Variants in CC2D2B observed in about 807,000 individuals in gnomAD.
CC2D2B encodes the protein coiled-coil and C2 domain containing 2B, also known as protein CC2D2B.
In CC2D2B, 128 loss-of-function variants were observed where a neutral mutation model predicts 161.2. That is an observed-to-expected ratio of 0.79 (90% CI 0.69 to 0.92). The LOEUF (loss-of-function observed/expected upper bound fraction) is 0.92. Among genes scored for constraint, CC2D2B ranks in the 40% least tolerant of loss-of-function variants. CC2D2B has a pLI of 0.00. For missense variants in CC2D2B, 1,173 were observed against 1,375.1 expected (o/e 0.85, Z 2.32); for synonymous variants, 391 against 449.8 (o/e 0.87, Z 1.65).
chr10:95,996,004 CAATA>C, intron 23 of CC2D2B, 135 bp from the exon 24 acceptor site: 7 of 409,430 alleles, frequency 1.7e-5, no homozygotes, highest in East Asian at 3.5e-5. Context: ...GATGTTTATT[CAATA>C]AATAAATAAA....
rs545655155 is a variant in CC2D2B at position 95,957,639 on chromosome 10, C to T, written c.1109+2148C>T. 6.3e-5 allele frequency among the ~76,000 whole-genome samples: 9 copies of T among 143,488 alleles called. No individual in the cohort carries two copies. In the South Asian group the frequency reaches 1.1e-3, roughly 18 times the overall value. The allele number at this position is 143,488 out of a possible 152,430, so 94.1% of individuals were successfully genotyped here. A position where few individuals can be genotyped will look rare whatever the true frequency, so the allele number is the denominator to read the frequency against. On this transcript the variant is annotated intron_variant, in intron 11 of 34. Transcript: ENST00000646931. ...GCAGTGACACAATCTCGGCTCACTGCGACCTTCACTTCCCAGGTTCAAGCA... is the reference window on the plus strand; with the variant it reads ...GCAGTGACACAATCTCGGCTCACTGTGACCTTCACTTCCCAGGTTCAAGCA...
Position 95,983,704 on chromosome 10 carries a change from T to C in CC2D2B, c.2181T>C (p.Ser727=), listed in dbSNP as rs950041404. The C allele has an allele frequency of 8.1e-7, 1 of 1,230,744 alleles. No homozygotes were observed. Among genetic ancestry groups the C allele is most frequent in the African/African-American group, 1.6e-5 (1 of 64,348 alleles). 76.2% of individuals were successfully genotyped at this position (1,230,744 alleles called of 1,614,324 possible). ...NFVSEEEMAK[S]KRFQLLQLRN... is the part of the protein sequence containing the mutation. ...TTTCTGAAGAGGAAATGGCAAAGAGTAAACGTTTCCAGCTATTGCAACTTA... is the reference window on the plus strand; with the variant it reads ...TTTCTGAAGAGGAAATGGCAAAGAGCAAACGTTTCCAGCTATTGCAACTTA... The change falls in exon 19 of 35, where the codon AGT becomes AGC. Residue 727 remains serine, a synonymous_variant. Coordinates refer to ENST00000646931, the MANE Select transcript of CC2D2B (RefSeq NM_001349008.3).
intron 34 of CC2D2B, among the ~76,000 whole-genome samples, chr10:96,028,566 A>C (rs558868575): frequency 6.6e-6 from 1 of 152,220 alleles, no homozygotes; most frequent in Non-Finnish European, 1.5e-5. Context: ...AATAGTTTAG[A>C]GGTTCCTCAA....
In CC2D2B at chr10:95,983,806, C is replaced by T; in HGVS notation, c.2283C>T (p.Phe761=). The T allele has an allele frequency of 8.2e-7, 1 of 1,217,216 alleles. No homozygotes were observed. The highest frequency in any genetic ancestry group is 1.0e-6 in the Non-Finnish European group (1 of 974,540). The allele number at this position is 1,217,216 out of a possible 1,614,324, so 75.4% of individuals were successfully genotyped here. Residue 761 remains phenylalanine (F), a synonymous_variant, in exon 19 of 35, where the codon TTC becomes TTT. Transcript: ENST00000646931. Reference sequence around the variant, plus strand: ...ATACAGAGATTCCAGATTTAGTCTTCCAGGTATTTGGTTTCTATTTGAATA... The same window carrying T: ...ATACAGAGATTCCAGATTTAGTCTTTCAGGTATTTGGTTTCTATTTGAATA... ...LHDTEIPDLV[F]QEYESQKEKE...
intron 17 of CC2D2B, among the ~76,000 whole-genome samples, chr10:95,981,712 A>G (rs1409083876): frequency 2.0e-5 from 3 of 152,244 alleles, no homozygotes; most frequent in Admixed American, 1.3e-4. Flanking sequence ...ATCGATGGCA[A>G]AGATGAATAT....
intron 6 of CC2D2B, among the ~76,000 whole-genome samples, chr10:95,930,520 T>C (rs957210750): frequency 7.2e-5 from 11 of 152,246 alleles, no homozygotes; most frequent in African/African-American, 2.2e-4. Context: ...CAGTTTGATA[T>C]TGGCTGTGGG....
At chr10:95,981,284 C>G (rs543103243) in intron 17 of CC2D2B, among the ~76,000 whole-genome samples, 1 of 150,642 alleles carries the variant, frequency 6.6e-6, no homozygotes, top group African/African-American at 2.4e-5. Flanking sequence ...CTCAGCTACT[C>G]GGGAGGCTGA....
intron 1 of CC2D2B, among the ~76,000 whole-genome samples, chr10:95,910,015 C>G (rs965201598): frequency 1.3e-5 from 2 of 152,066 alleles, no homozygotes; most frequent in Admixed American, 1.3e-4. Flanking sequence ...ATTAGCCGAG[C>G]CTTAGAGACA....
At chr10:96,026,010 G>A (rs887468312) in intron 33 of CC2D2B, among the ~76,000 whole-genome samples, 5 of 152,096 alleles carry the variant, frequency 3.3e-5, no homozygotes, top group African/African-American at 7.2e-5. Flanking sequence ...CATTAGAATC[G>A]CTTATAGAAC....
intron 20 of CC2D2B, 72 bp from the exon 21 acceptor site, chr10:95,991,298 C>T (rs41308659): frequency 0.04 from 16,965 of 428,864 alleles, 414 homozygotes; most frequent in Middle Eastern, 0.063. Flanking sequence ...ATACTGGCAC[C>T]GGTAGCATTG....
At chr10:96,002,433 A>C (rs2078540259) in intron 24 of CC2D2B, among the ~76,000 whole-genome samples, 1 of 152,208 alleles carries the variant, frequency 6.6e-6, no homozygotes, top group African/African-American at 2.4e-5. Context: ...TGGGGGAAGA[A>C]TTATGGTAAC....
Position 95,990,900 on chromosome 10 carries a change from A to C in CC2D2B, c.2380-470A>C, listed in dbSNP as rs373258403. On this transcript the variant is annotated intron_variant, in intron 20 of 34. Coordinates refer to ENST00000646931, the MANE Select transcript of CC2D2B (RefSeq NM_001349008.3). The stretch of plus-strand genomic sequence containing the variant: ...TCCTTCAAGCACTGACTTTCTTGCC[A>C]GGCTGCCAGAATGAGGTCTTAAAGT... Among the ~76,000 whole-genome samples, 4 of 152,194 alleles carry C rather than the reference A, an allele frequency of 2.6e-5. No individual in the cohort carries two copies. In the East Asian group the frequency reaches 7.7e-4, roughly 29 times the overall value.
At chr10:96,001,581 T>C (rs1178340356) in intron 24 of CC2D2B, among the ~76,000 whole-genome samples, 1 of 152,176 alleles carries the variant, frequency 6.6e-6, no homozygotes, top group African/African-American at 2.4e-5. Context: ...CAGCCACCCC[T>C]TCTGAAAGTG....
At chr10:95,909,525 A>G (rs1184929811) in intron 1 of CC2D2B, among the ~76,000 whole-genome samples, 1 of 152,236 alleles carries the variant, frequency 6.6e-6, no homozygotes, top group Non-Finnish European at 1.5e-5. Context: ...AGATAAAGAT[A>G]AAATTGGATT....
intron 33 of CC2D2B, 57 bp downstream of exon 33, chr10:96,024,968 C>T: frequency 1.0e-6 from 1 of 966,938 alleles, no homozygotes; most frequent in Non-Finnish European, 1.6e-6. Flanking sequence ...CTGACCCATC[C>T]ATTCAAAATA....
chr10:96,024,227 T>C (rs2079590392), intron 32 of CC2D2B, among the ~76,000 whole-genome samples: 1 of 149,944 alleles, frequency 6.7e-6, no homozygotes, highest in African/African-American at 2.5e-5. Context: ...GAGGTTGAAA[T>C]GGATTCTGTG....
chr10:95,930,380 C>T (rs971990549), intron 6 of CC2D2B, among the ~76,000 whole-genome samples: 1 of 152,094 alleles, frequency 6.6e-6, no homozygotes, highest in Admixed American at 6.6e-5. Flanking sequence ...ATTTGAATAC[C>T]CTTTATTTCT....
intron 34 of CC2D2B, among the ~76,000 whole-genome samples, chr10:96,028,437 C>A (rs1353890477): frequency 6.6e-6 from 1 of 152,066 alleles, no homozygotes; most frequent in Admixed American, 6.6e-5. Context: ...TCATCTCACC[C>A]CAATTAAAAT....
At position 96,019,197 on chromosome 10, in the gene CC2D2B, AT is replaced by A. The variant is rs751929230; in HGVS notation, c.3631-5del. On this transcript the variant is annotated splice_polypyrimidine_tract_variant and splice_region_variant and intron_variant, in intron 30 of 34. Transcript: ENST00000646931. ...ACCAAAAATTACTTTCTTTTTTCTC[AT>A]ACAGGGGCATGTGGCTTATGTAGTA... is the stretch of plus-strand genomic sequence containing the variant. The A allele has an allele frequency of 3.8e-6, 6 of 1,579,120 alleles. No individual in the cohort carries two copies. Among genetic ancestry groups the A allele is most frequent in the Non-Finnish European group, 5.1e-6 (6 of 1,167,222 alleles).
Sources: gnomAD v4.1 joint callset for allele counts (sites outside exome capture counted in the v4.1 genomes callset) on GRCh38, gnomAD v4.1.1 for gene constraint, MANE v1.5 for transcripts, NCBI Gene and HGNC (gene_info 2026-07-23, HGNC 2026-07-21) for gene names.